The following FUS variants were observed in gnomAD, a reference collection of about 807,000 sequenced individuals.
FUS encodes FUS RNA binding protein.
Under a neutral mutation model 82.7 loss-of-function variants are expected in FUS, and 5 were observed. That is an observed-to-expected ratio of 0.06 (90% CI 0.03 to 0.13). The LOEUF is 0.13. FUS is among the 10% of genes least tolerant of loss of function. FUS has a pLI of 1.00. For synonymous variants in FUS, 281 were observed against 247.4 expected (o/e 1.14, Z -1.27); for missense variants, 512 against 707.8 (o/e 0.72, Z 3.14).
chr16:31,190,518 G>T (rs2079338683), intron 12 of FUS, 120 bp downstream of exon 12: 1 of 1,493,174 alleles, frequency 6.7e-7, no homozygotes, highest in African/African-American at 1.4e-5. Context: ...GTTGGGGTCA[G>T]ATTTAGCCAA....
At chr16:31,188,387 G>A in intron 8 of FUS, 30 bp downstream of exon 8, 1 of 1,612,122 alleles carries the variant, frequency 6.2e-7, no homozygotes, top group Non-Finnish European at 8.5e-7. Flanking sequence ...CATGAAAAGA[G>A]TGGCTAAAGT....
At chr16:31,190,900 G>A in intron 13 of FUS, 58 bp downstream of exon 13, 1 of 1,612,906 alleles carries the variant, frequency 6.2e-7, no homozygotes, top group Non-Finnish European at 8.5e-7. Flanking sequence ...TAATTTTTCA[G>A]CGGGGAGGCT....
At chr16:31,188,639 TCA>T in intron 8 of FUS, 1 of 551,460 alleles carries the variant, frequency 1.8e-6, no homozygotes, top group South Asian at 2.2e-5. Flanking sequence ...TGGACCACAC[TCA>T]GATGGTTTAC....
At chr16:31,184,875 C>T in intron 5 of FUS, 64 bp from the exon 6 acceptor site, 1 of 1,557,762 alleles carries the variant, frequency 6.4e-7, no homozygotes. Context: ...CCTTTTCAAA[C>T]CTTTTAGTGC....
At chr16:31,186,622 G>C in intron 6 of FUS, 180 bp from the exon 7 acceptor site, 1 of 663,234 alleles carries the variant, frequency 1.5e-6, no homozygotes, top group Non-Finnish European at 2.8e-6. Context: ...TTGCACACGT[G>C]TGTGTGACAT....
chr16:31,182,874 G>A (rs189932221), intron 3 of FUS: 9 of 580,376 alleles, frequency 1.6e-5, no homozygotes, highest in East Asian at 3.2e-5. Flanking sequence ...CTGCTACCAC[G>A]CCTGGCTAAT....
intron 1 of FUS, 113 bp downstream of exon 1, chr16:31,180,340 C>T (rs2058037089): frequency 3.6e-6 from 5 of 1,399,466 alleles, no homozygotes; most frequent in African/African-American, 1.4e-5. Context: ...TTTTTGGCGC[C>T]CCTGTGGCGG....
In FUS at chr16:31,183,595, G is replaced by T. The variant is rs1034247832; in HGVS notation, c.191-263G>T. 6.1e-6 allele frequency: 3 copies of T among 495,684 alleles called. No individual in the cohort carries two copies. The Admixed American group carries it at 9.5e-5, about 16-fold the overall frequency. The allele number at this position is 495,684 out of a possible 1,614,324, so 30.7% of individuals were successfully genotyped here. The stretch of plus-strand genomic sequence containing the variant: ...CAGTGCTGTTAACAGGGATCCTTGG[G>T]CCTGGGTTTAGAGGGTGGTGCTGGA... On this transcript the variant is annotated intron_variant, in intron 3 of 14. Transcript: ENST00000254108.
intron 8 of FUS, 106 bp downstream of exon 8, chr16:31,188,463 A>T: frequency 8.3e-7 from 1 of 1,207,962 alleles, no homozygotes; most frequent in Non-Finnish European, 1.2e-6. Flanking sequence ...AAATGGGGAT[A>T]GAGAAGGAAG....
intron 7 of FUS, 145 bp downstream of exon 7, chr16:31,186,981 C>A: frequency 1.3e-6 from 1 of 767,730 alleles, no homozygotes; most frequent in Non-Finnish European, 2.3e-6. Flanking sequence ...GGGTAGAATG[C>A]CACCTGTTGC....
At chr16:31,188,025 CT>C in intron 7 of FUS, 1 of 491,696 alleles carries the variant, frequency 2.0e-6, no homozygotes, top group Non-Finnish European at 3.7e-6. Context: ...TCCGTTTCCC[CT>C]GCCACCTGTG....
chr16:31,194,531 T>C (rs2079399399), downstream of FUS: 1 of 499,308 alleles, frequency 2.0e-6, no homozygotes, highest in Admixed American at 2.3e-5. Flanking sequence ...TCAAAACTGC[T>C]CTGGGCTCAA....
At chr16:31,192,852 A>G (rs563511327), downstream of FUS, 5 of 484,216 alleles carry the variant, frequency 1.0e-5, no homozygotes, top group East Asian at 4.9e-5. Context: ...AATTACAGGC[A>G]TGAGCCGCTG....
At position 31,189,645 on chromosome 16, in the gene FUS, C is replaced by A. The variant is rs770393324; in HGVS notation, c.937-20C>A. 2.5e-6 allele frequency: 4 copies of A among 1,613,924 alleles called. No individual in the cohort carries two copies. The highest frequency in any genetic ancestry group is 3.4e-6 in the Non-Finnish European group (4 of 1,180,002). The stretch of plus-strand genomic sequence containing the variant: ...ACTGTAGCCTTTAAAATTGATGTTA[C>A]CTCATTTTGCTTTCTTCAGACAAAC... On this transcript the variant is annotated intron_variant, in intron 9 of 14. Transcript: ENST00000254108.
intron 3 of FUS, chr16:31,183,092 A>C (rs1459744343): frequency 1.2e-5 from 3 of 255,468 alleles, no homozygotes; most frequent in South Asian, 9.1e-5. Flanking sequence ...ATAAGTCTTA[A>C]AACTTTTTGG....
At chr16:31,184,437 TC>T (rs377573798) in intron 5 of FUS, 41 bp downstream of exon 5, 37 of 1,511,670 alleles carry the variant, frequency 2.4e-5, no homozygotes, top group Admixed American at 7.8e-5. Context: ...ATTTTCTTTT[TC>T]TTTTTTTTTT....
chr16:31,180,368 T>A, intron 1 of FUS, 141 bp downstream of exon 1: 1 of 1,086,760 alleles, frequency 9.2e-7, no homozygotes, highest in Non-Finnish European at 1.4e-6. Context: ...CGGAGAAGAG[T>A]AACTGGAGGA....
chr16:31,185,157 C>G lies in FUS; in HGVS notation c.742C>G (p.Arg248Gly). Reference protein sequence around the residue: ...GYEPRGRGGGRGGRGGMGGSD... With the variant: ...GYEPRGRGGGGGGRGGMGGSD... ...TGAACCCAGAGGTCGTGGAGGTGGCCGTGGAGGCAGAGGTGGCATGGGGTA... is the reference window on the plus strand; with the variant it reads ...TGAACCCAGAGGTCGTGGAGGTGGCGGTGGAGGCAGAGGTGGCATGGGGTA... The change falls in exon 6 of 15, where the codon CGT becomes GGT. Residue 248 changes from arginine to glycine, a missense_variant. Coordinates refer to ENST00000254108, the MANE Select transcript of FUS (RefSeq NM_004960.4). The G allele has an allele frequency of 6.2e-7, 1 of 1,609,986 alleles. No homozygotes were observed. Among genetic ancestry groups the G allele is most frequent in the Non-Finnish European group, 8.5e-7 (1 of 1,178,012 alleles).
At chr16:31,191,367 T>A (rs201871421) in intron 14 of FUS, 32 bp from the exon 15 acceptor site, 1 of 1,609,824 alleles carries the variant, frequency 6.2e-7, no homozygotes, top group African/African-American at 1.3e-5. Flanking sequence ...TCAAATATAA[T>A]GGATACTTAA....
Sources: allele counts gnomAD v4.1 joint callset, GRCh38; gene constraint gnomAD v4.1.1; transcripts MANE v1.5; gene names NCBI Gene and HGNC (gene_info 2026-07-23, HGNC 2026-07-21).